Variants in ARHGEF9 observed in about 807,000 individuals in gnomAD.
ARHGEF9 encodes the protein Cdc42 guanine nucleotide exchange factor 9, also known as rho guanine nucleotide exchange factor 9.
Under a neutral mutation model 41.3 loss-of-function variants are expected in ARHGEF9, and 2 were observed. The ratio of observed to expected loss-of-function variants is 0.05; its 90% CI spans 0.02 to 0.15. The LOEUF is 0.15. Ranked by LOEUF, ARHGEF9 falls within the 10% of genes least tolerant of loss-of-function variation. The probability of loss-of-function intolerance (pLI) is 1.00; values close to 1 mark genes in which losing one functional copy is unlikely to be tolerated. For missense variants in ARHGEF9, 225 were observed against 424.7 expected (o/e 0.53, Z 4.13); for synonymous variants, 160 against 154.4 (o/e 1.04, Z -0.27).
At chrX:63,710,550 T>C (rs2052867675) in intron 2 of ARHGEF9, among the ~76,000 whole-genome samples, 2 of 110,755 alleles carry the variant, frequency 1.8e-5, no homozygotes, top group Non-Finnish European at 3.8e-5. Context: ...AATTACACCA[T>C]ATGAGTGAAA....
chrX:63,670,279 C>CT (rs1261801072), intron 6 of ARHGEF9: 1 of 111,725 alleles, frequency 9.0e-6, no homozygotes, highest in East Asian at 2.8e-4. Context: ...TACATTTGAT[C>CT]TTCTTGTCCC....
intron 2 of ARHGEF9, among the ~76,000 whole-genome samples, chrX:63,715,416 T>C (rs1163014247): frequency 1.8e-5 from 2 of 111,044 alleles, no homozygotes; most frequent in Non-Finnish European, 3.8e-5. Context: ...CACAGAAAGC[T>C]TGCAATTATT....
At chrX:63,690,498 T>A (rs868914310) in intron 4 of ARHGEF9, among the ~76,000 whole-genome samples, 2 of 111,451 alleles carry the variant, frequency 1.8e-5, no homozygotes, top group South Asian at 7.4e-4. Context: ...TAATAAAAAG[T>A]GTCTCATCAA....
chrX:63,661,594 C>T (rs1217040026), intron 7 of ARHGEF9, among the ~76,000 whole-genome samples: 1 of 111,887 alleles, frequency 8.9e-6, no homozygotes, highest in Non-Finnish European at 1.9e-5. Flanking sequence ...AGAAAAAGAA[C>T]AGAGTCTTAT....
chrX:63,729,981 T>A (rs781856108), intron 1 of ARHGEF9, among the ~76,000 whole-genome samples: 1 of 112,355 alleles, frequency 8.9e-6, no homozygotes, highest in East Asian at 2.8e-4. Flanking sequence ...AAAGTAGATA[T>A]ATCTGTTTAT....
rs142214602 is a variant in ARHGEF9, at chrX:63,694,366, C to T, written c.582+2759G>A. Among the ~76,000 whole-genome samples, 543 of 111,557 alleles carry T rather than the reference C, an allele frequency of 4.9e-3. 1 individual carries two copies. The highest frequency in any genetic ancestry group is 7.5e-3 in the Non-Finnish European group (397 of 53,091). On this transcript the variant is annotated intron_variant, in intron 4 of 9. Coordinates refer to ENST00000671741, the MANE Select transcript of ARHGEF9 (RefSeq NM_001353921.2). ...CAACCCTAACCCTGGAAGTCCTTAA[C>T]CAAGAAAAATGAAAACATATATTCT...
chrX:63,736,335 G>C (rs1286977236), intron 1 of ARHGEF9, among the ~76,000 whole-genome samples: 1 of 111,109 alleles, frequency 9.0e-6, no homozygotes, highest in East Asian at 2.8e-4. Context: ...TCTGGGCTAG[G>C]TGAAAGTGGT....
chrX:63,666,064 C>T, intron 6 of ARHGEF9, 47 bp from the exon 7 acceptor site: 8 of 1,206,259 alleles, frequency 6.6e-6, no homozygotes, highest in Non-Finnish European at 7.8e-6. Context: ...AGAAGGATGG[C>T]ACCATCACCT....
intron 1 of ARHGEF9, among the ~76,000 whole-genome samples, chrX:63,746,905 C>T (rs1277457432): frequency 4.5e-5 from 5 of 111,770 alleles, no homozygotes; most frequent in African/African-American, 1.6e-4. Context: ...GCAGCCAATG[C>T]GTGTTCATAC....
intron 2 of ARHGEF9, among the ~76,000 whole-genome samples, chrX:63,723,989 C>T (rs1275916987): frequency 8.9e-6 from 1 of 112,119 alleles, no homozygotes; most frequent in Non-Finnish European, 1.9e-5. Context: ...TAAGCTCTAG[C>T]GCCTGGGGGG....
At chrX:63,683,377 T>C (rs1156947128) in intron 4 of ARHGEF9, among the ~76,000 whole-genome samples, 1 of 111,621 alleles carries the variant, frequency 9.0e-6, no homozygotes, top group Non-Finnish European at 1.9e-5. Flanking sequence ...AGATTTCCCA[T>C]GTGCAAGGAT....
intron 8 of ARHGEF9, among the ~76,000 whole-genome samples, chrX:63,650,883 T>A (rs1403283323): frequency 9.0e-6 from 1 of 110,738 alleles, no homozygotes; most frequent in Non-Finnish European, 1.9e-5. Flanking sequence ...AGAAGAGAGA[T>A]AACTACAATT....
At chrX:63,724,272 G>A (rs1347539720) in intron 2 of ARHGEF9, among the ~76,000 whole-genome samples, 1 of 111,919 alleles carries the variant, frequency 8.9e-6, no homozygotes, top group Non-Finnish European at 1.9e-5. Flanking sequence ...CCAAGACCCA[G>A]ACAAGGTAAG....
intron 4 of ARHGEF9, among the ~76,000 whole-genome samples, chrX:63,688,769 C>A: frequency 9.0e-6 from 1 of 111,247 alleles, no homozygotes; most frequent in African/African-American, 3.3e-5. Context: ...GACTCCATCT[C>A]AAAAACAAAA....
At chrX:63,770,676 AC>A (rs2056190096) in intron 1 of ARHGEF9, among the ~76,000 whole-genome samples, 2 of 111,946 alleles carry the variant, frequency 1.8e-5, no homozygotes, top group South Asian at 7.6e-4. Flanking sequence ...TACTTGTTCA[AC>A]GGTGGGGCCA....
At chrX:63,676,697 C>T (rs782559852) in intron 5 of ARHGEF9, among the ~76,000 whole-genome samples, 2 of 112,035 alleles carry the variant, frequency 1.8e-5, no homozygotes, top group Non-Finnish European at 3.8e-5. Flanking sequence ...TGCCCCTGTA[C>T]CTTTCCTTTC....
chrX:63,702,746 G>A (rs2052268785), intron 3 of ARHGEF9, among the ~76,000 whole-genome samples: 1 of 111,989 alleles, frequency 8.9e-6, no homozygotes, highest in South Asian at 3.7e-4. Flanking sequence ...TGCTTCCAAT[G>A]GTACCAAGAA....
At chrX:63,671,317 C>T (rs2049945654) in intron 6 of ARHGEF9, 2 of 111,972 alleles carry the variant, frequency 1.8e-5, no homozygotes, top group South Asian at 7.5e-4. Flanking sequence ...AATTGGGCCA[C>T]CAATCCTAAC....
intron 2 of ARHGEF9, chrX:63,719,613 C>T (rs1602552111): frequency 6.8e-6 from 2 of 295,944 alleles, no homozygotes; most frequent in Admixed American, 1.2e-4. Flanking sequence ...CTGTGTAATG[C>T]AGAAAAGGGC....
Sources: allele counts gnomAD v4.1 joint callset (sites outside exome capture counted in the v4.1 genomes callset), GRCh38; gene constraint gnomAD v4.1.1; transcripts MANE v1.5; gene names NCBI Gene and HGNC (gene_info 2026-07-23, HGNC 2026-07-21).